QKI: variants seen among roughly 807,000 people sequenced by gnomAD.
QKI encodes the protein QKI, KH domain containing RNA binding, also known as KH domain-containing RNA-binding protein QKI.
In QKI, 10 loss-of-function variants were observed where a neutral mutation model predicts 39.0. The ratio of observed to expected loss-of-function variants is 0.26; its 90% CI spans 0.16 to 0.43. The LOEUF (loss-of-function observed/expected upper bound fraction) is 0.43, where lower values mean the gene tolerates loss of function less well. Ranked by LOEUF, QKI falls within the 20% of genes least tolerant of loss-of-function variation. QKI has a pLI of 1.00. For synonymous variants in QKI, 204 were observed against 155.4 expected, an observed-to-expected ratio of 1.31 and a Z score of -2.33; for missense variants, 218 against 428.0, an observed-to-expected ratio of 0.51 and a Z score of 4.33.
chr6:163,478,932 G>A (rs1371864758), intron 3 of QKI, 36 bp downstream of exon 3: 11 of 1,427,630 alleles, frequency 7.7e-6, no homozygotes, highest in Non-Finnish European at 1.1e-5. Flanking sequence ...CTTTATGTGA[G>A]TAACTTACTA....
intron 4 of QKI, among the ~76,000 whole-genome samples, chr6:163,549,031 G>A (rs1431091509): frequency 6.6e-6 from 1 of 152,166 alleles, no homozygotes; most frequent in African/African-American, 2.4e-5. Context: ...TGCTGACTGG[G>A]TAATTTATAA....
At chr6:163,470,048 C>T (rs1792069202) in intron 2 of QKI, among the ~76,000 whole-genome samples, 1 of 152,088 alleles carries the variant, frequency 6.6e-6, no homozygotes, top group African/African-American at 2.4e-5. Flanking sequence ...AATAACTGAA[C>T]ACATCAGAGA....
chr6:163,504,177 T>C (rs1254942254), intron 3 of QKI, among the ~76,000 whole-genome samples: 4 of 152,178 alleles, frequency 2.6e-5, no homozygotes, highest in Admixed American at 2.6e-4. Context: ...TTCAGATGGC[T>C]GTAGATGTTC....
At chr6:163,430,632 T>A (rs146289830) in intron 1 of QKI, among the ~76,000 whole-genome samples, 69 of 152,268 alleles carry the variant, frequency 4.5e-4, no homozygotes, top group African/African-American at 1.6e-3. Context: ...AAGGATAGAT[T>A]AGTTGTCAGC....
intron 2 of QKI, among the ~76,000 whole-genome samples, chr6:163,458,832 G>T (rs906635327): frequency 2.6e-5 from 4 of 152,120 alleles, no homozygotes; most frequent in Admixed American, 6.5e-5. Context: ...CATCTCTACT[G>T]TGTACCAAGC....
intron 1 of QKI, among the ~76,000 whole-genome samples, chr6:163,426,243 CT>C (rs1301275880): frequency 3.8e-3 from 525 of 137,918 alleles, no homozygotes; most frequent in African/African-American, 6.7e-3. Flanking sequence ...AGAACCATCT[CT>C]TTTTTTTTTT....
chr6:163,460,348 G>A (rs993775351), intron 2 of QKI, among the ~76,000 whole-genome samples: 4 of 152,208 alleles, frequency 2.6e-5, no homozygotes, highest in African/African-American at 9.6e-5. Flanking sequence ...ACAGACAAAT[G>A]TCTTTTCAAG....
chr6:163,422,370 T>A (rs1337599983), intron 1 of QKI, among the ~76,000 whole-genome samples: 1 of 152,214 alleles, frequency 6.6e-6, no homozygotes, highest in Non-Finnish European at 1.5e-5. Flanking sequence ...TATATCACAT[T>A]ATTTATTATA....
rs184668686 is a variant in QKI, at chr6:163,500,794, A to G, written c.402+21898A>G. Among the ~76,000 whole-genome samples, 623 of 152,340 alleles carry G rather than the reference A, an allele frequency of 4.1e-3. 5 individuals are homozygous for G. Among genetic ancestry groups the G allele is most frequent in the Non-Finnish European group, 6.1e-3 (412 of 68,024 alleles). On this transcript the variant is annotated intron_variant, in intron 3 of 7. Coordinates refer to ENST00000361752, the MANE Select transcript of QKI (RefSeq NM_006775.3). Reference sequence around the variant, plus strand: ...TTAAGGAAAGTTGAATGTAAAACCTAAAAGTAAAATTAATTGCTAAGCTAG... The same window carrying G: ...TTAAGGAAAGTTGAATGTAAAACCTGAAAGTAAAATTAATTGCTAAGCTAG...
intron 1 of QKI, among the ~76,000 whole-genome samples, chr6:163,446,792 C>A (rs1790188290): frequency 1.3e-5 from 2 of 152,292 alleles, no homozygotes; most frequent in South Asian, 4.1e-4. Context: ...TGAAGGCCCT[C>A]CCCACCAAGT....
intron 3 of QKI, among the ~76,000 whole-genome samples, chr6:163,503,875 G>T (rs1778935730): frequency 6.6e-6 from 1 of 151,744 alleles, no homozygotes; most frequent in South Asian, 2.1e-4. Context: ...GAGTACCTGG[G>T]ACTACAGGCG....
intron 3 of QKI, 91 bp from the exon 4 acceptor site, chr6:163,534,891 C>A: frequency 9.5e-7 from 1 of 1,048,024 alleles, no homozygotes; most frequent in Non-Finnish European, 1.3e-6. Flanking sequence ...GCAAACATAG[C>A]TGAAATAATT....
rs1242417274 is a variant in QKI, at chr6:163,571,145, G to C, written c.*435G>C. The C allele has an allele frequency of 1.3e-5, 2 of 154,468 alleles. No individual in the cohort carries two copies. Among genetic ancestry groups the C allele is most frequent in the African/African-American group, 4.8e-5 (2 of 41,534 alleles). The allele number at this position is 154,468 out of a possible 1,614,324, so 9.6% of individuals were successfully genotyped here. On this transcript the variant is annotated 3_prime_UTR_variant, in exon 8 of 8. Coordinates refer to ENST00000361752, the MANE Select transcript of QKI (RefSeq NM_006775.3). ...TCATAGCGAAGTCAAAGCTCTCTCT[G>C]AATGTACTGTGTGATGATGCATCAT...
chr6:163,452,325 C>CGGGA (rs1440760675), intron 1 of QKI, among the ~76,000 whole-genome samples: 1 of 152,078 alleles, frequency 6.6e-6, no homozygotes, highest in African/African-American at 2.4e-5. Flanking sequence ...TTTTCATTCC[C>CGGGA]ATCATTACTA....
At chr6:163,485,145 A>G (rs547266347) in intron 3 of QKI, among the ~76,000 whole-genome samples, 1 of 152,344 alleles carries the variant, frequency 6.6e-6, no homozygotes, top group South Asian at 2.1e-4. Context: ...CATGTACTTA[A>G]TGGAAATCTA....
intron 3 of QKI, among the ~76,000 whole-genome samples, chr6:163,510,245 A>AATAATG (rs1414469620): frequency 1.4e-5 from 2 of 146,296 alleles, no homozygotes; most frequent in Non-Finnish European, 3.0e-5. Flanking sequence ...TAATAATAAT[A>AATAATG]ATAATAATAA....
intron 2 of QKI, among the ~76,000 whole-genome samples, chr6:163,472,108 A>G (rs184329930): frequency 1.3e-5 from 2 of 152,144 alleles, no homozygotes; most frequent in South Asian, 2.1e-4. Flanking sequence ...ACTACCTCCA[A>G]ACGTAACTAC....
chr6:163,453,473 A>G (rs1790721373), intron 1 of QKI, among the ~76,000 whole-genome samples: 1 of 152,152 alleles, frequency 6.6e-6, no homozygotes, highest in Non-Finnish European at 1.5e-5. Context: ...TGTGATTTTA[A>G]TTAGATTAAA....
intron 2 of QKI, among the ~76,000 whole-genome samples, chr6:163,461,082 G>T (rs75530941): frequency 0.028 from 4,225 of 152,210 alleles, 191 homozygotes; most frequent in African/African-American, 0.096. Context: ...TATGTTTTAG[G>T]TAGGGAAAAC....
Sources: gnomAD v4.1 joint callset for allele counts (sites outside exome capture counted in the v4.1 genomes callset) on GRCh38, gnomAD v4.1.1 for gene constraint, MANE v1.5 for transcripts, NCBI Gene and HGNC (gene_info 2026-07-23, HGNC 2026-07-21) for gene names.